The following HS6ST3 variants were observed in gnomAD, a reference collection of about 807,000 sequenced individuals.
HS6ST3 encodes heparan-sulfate 6-O-sulfotransferase 3.
A neutral mutation model predicts 36.7 loss-of-function variants in HS6ST3; 12 were observed. The ratio of observed to expected loss-of-function variants is 0.33; its 90% CI spans 0.21 to 0.53. The LOEUF is 0.53. Among genes scored for constraint, HS6ST3 ranks in the 20% least tolerant of loss-of-function variants. HS6ST3 has a pLI of 0.95. For synonymous variants in HS6ST3, 240 were observed against 257.5 expected, an observed-to-expected ratio of 0.93 and a Z score of 0.65; for missense variants, 584 against 640.9, an observed-to-expected ratio of 0.91 and a Z score of 0.96.
intron 1 of HS6ST3, among the ~76,000 whole-genome samples, chr13:96,791,216 CATTGGGAAGCTTCT>C (rs1225756823): frequency 6.6e-6 from 1 of 152,048 alleles, no homozygotes; most frequent in African/African-American, 2.4e-5. Flanking sequence ...ACCTCTATTA[CATTGGGAAGCTTCT>C]ATTTGCTGTG....
intron 1 of HS6ST3, among the ~76,000 whole-genome samples, chr13:96,492,945 C>T (rs926653540): frequency 1.3e-5 from 2 of 152,128 alleles, no homozygotes; most frequent in Non-Finnish European, 2.9e-5. Flanking sequence ...CTCTCTGCTC[C>T]GACAGATGCC....
intron 1 of HS6ST3, among the ~76,000 whole-genome samples, chr13:96,385,431 G>A (rs1339535555): frequency 1.3e-5 from 2 of 152,022 alleles, no homozygotes; most frequent in Middle Eastern, 3.2e-3. Flanking sequence ...CTGGACTTTG[G>A]TAGTAATTCC....
At chr13:96,225,100 G>T (rs1402879752) in intron 1 of HS6ST3, among the ~76,000 whole-genome samples, 1 of 152,156 alleles carries the variant, frequency 6.6e-6, no homozygotes, top group Non-Finnish European at 1.5e-5. Flanking sequence ...AAGTATTTTG[G>T]GAGCTTAAAA....
intron 1 of HS6ST3, among the ~76,000 whole-genome samples, chr13:96,381,410 G>GTATCTATGTATCTATCTATCTATC (rs141594405): frequency 0.011 from 1,548 of 138,648 alleles, 13 homozygotes; most frequent in South Asian, 0.018. Flanking sequence ...ATGTATCTAT[G>GTATCTATGTATCTATCTATCTATC]TATCTATCTA....
chr13:96,512,108 C>T (rs113500481), intron 1 of HS6ST3, among the ~76,000 whole-genome samples: 2 of 152,102 alleles, frequency 1.3e-5, no homozygotes, highest in African/African-American at 2.4e-5. Context: ...TTTCTCTTGC[C>T]TAATTGCTCT....
chr13:96,375,338 T>A (rs907321590), intron 1 of HS6ST3, among the ~76,000 whole-genome samples: 1 of 152,162 alleles, frequency 6.6e-6, no homozygotes, highest in Admixed American at 6.6e-5. Context: ...TGCTTTCTTG[T>A]TTTGTTTTTA....
chr13:96,692,724 TG>T (rs1170357446), intron 1 of HS6ST3, among the ~76,000 whole-genome samples: 1 of 152,192 alleles, frequency 6.6e-6, no homozygotes, highest in Non-Finnish European at 1.5e-5. Context: ...TAGCTTTTAT[TG>T]TTCAAATTTG....
At chr13:96,349,451 T>C (rs2055171583) in intron 1 of HS6ST3, among the ~76,000 whole-genome samples, 1 of 152,172 alleles carries the variant, frequency 6.6e-6, no homozygotes, top group South Asian at 2.1e-4. Flanking sequence ...TCTCCAAAAG[T>C]GCTGCGTCAC....
intron 1 of HS6ST3, among the ~76,000 whole-genome samples, chr13:96,799,462 T>C (rs919696489): frequency 6.6e-6 from 1 of 152,046 alleles, no homozygotes; most frequent in Non-Finnish European, 1.5e-5. Flanking sequence ...TAAAACATGA[T>C]GAGTTCATGT....
At chr13:96,147,610 A>G (rs1202324270) in intron 1 of HS6ST3, among the ~76,000 whole-genome samples, 1 of 152,136 alleles carries the variant, frequency 6.6e-6, no homozygotes. Context: ...AGCTGTGCCC[A>G]TTGGGTGAAT....
intron 1 of HS6ST3, among the ~76,000 whole-genome samples, chr13:96,720,161 G>A (rs753276252): frequency 2.0e-5 from 3 of 152,166 alleles, no homozygotes; most frequent in Non-Finnish European, 4.4e-5. Context: ...TGCCTGCAAT[G>A]TATATAGGCT....
chr13:96,360,220 C>T (rs1392059701), intron 1 of HS6ST3, among the ~76,000 whole-genome samples: 2 of 152,012 alleles, frequency 1.3e-5, no homozygotes, highest in Non-Finnish European at 2.9e-5. Context: ...AAAGAGATTC[C>T]ACTTTGTAGG....
chr13:96,778,688 G>A (rs2138512469), intron 1 of HS6ST3, among the ~76,000 whole-genome samples: 1 of 152,306 alleles, frequency 6.6e-6, no homozygotes, highest in African/African-American at 2.4e-5. Context: ...CGGAGAGGAT[G>A]TGGAGAAACT....
intron 1 of HS6ST3, among the ~76,000 whole-genome samples, chr13:96,132,643 T>G (rs1877253486): frequency 6.6e-6 from 1 of 152,044 alleles, no homozygotes. Context: ...TGGCCTCAAG[T>G]GATCCTCCCA....
intron 1 of HS6ST3, among the ~76,000 whole-genome samples, chr13:96,364,513 A>G (rs2055254044): frequency 1.3e-5 from 2 of 152,188 alleles, no homozygotes; most frequent in African/African-American, 2.4e-5. Context: ...ACACTAAAGA[A>G]CAAGTATTGT....
chr13:96,594,584 C>T (rs1031129738), intron 1 of HS6ST3, among the ~76,000 whole-genome samples: 11 of 152,176 alleles, frequency 7.2e-5, no homozygotes, highest in African/African-American at 1.7e-4. Flanking sequence ...GACACACACA[C>T]GTGTACACAC....
intron 1 of HS6ST3, among the ~76,000 whole-genome samples, chr13:96,614,297 CAAAAAAAAA>C (rs67979751): frequency 4.5e-5 from 2 of 43,972 alleles, no homozygotes; most frequent in Non-Finnish European, 7.5e-5. Context: ...GGATCCATCT[CAAAAAAAAA>C]AAAAAAAAAA....
At chr13:96,504,526 G>A (rs1222657857) in intron 1 of HS6ST3, among the ~76,000 whole-genome samples, 1 of 151,770 alleles carries the variant, frequency 6.6e-6, no homozygotes, top group East Asian at 1.9e-4. Context: ...AGAGACAGTC[G>A]GAAATAGGCA....
chr13:96,465,517 AT>A (rs2055808058), intron 1 of HS6ST3, among the ~76,000 whole-genome samples: 1 of 152,192 alleles, frequency 6.6e-6, no homozygotes, highest in Non-Finnish European at 1.5e-5. Context: ...TTTCATTTAC[AT>A]AAAGATACAA....
Sources: allele counts gnomAD v4.1 joint callset (sites outside exome capture counted in the v4.1 genomes callset), GRCh38; gene constraint gnomAD v4.1.1; transcripts MANE v1.5; gene names NCBI Gene and HGNC (gene_info 2026-07-23, HGNC 2026-07-21).